Variants in MRPL44 observed in about 807,000 individuals in gnomAD.
MRPL44 encodes large ribosomal subunit protein mL44.
MRPL44 carries 21 observed loss-of-function variants against 25.9 expected under a neutral mutation model. The observed-to-expected ratio is 0.81, with a 90% confidence interval of 0.58 to 1.17. MRPL44 has a LOEUF of 1.17. Ranked by LOEUF, MRPL44 falls within the 50% of genes most tolerant of loss-of-function variation. The pLI, the probability that MRPL44 is intolerant of heterozygous loss-of-function variation, is 0.00. For synonymous variants in MRPL44, 169 were observed against 151.0 expected (o/e 1.12, Z -0.87); for missense variants, 410 against 398.9 (o/e 1.03, Z -0.24).
At chr2:223,952,892 T>C (rs917314998), upstream of MRPL44, among the ~76,000 whole-genome samples, 1 of 152,230 alleles carries the variant, frequency 6.6e-6, no homozygotes, top group Non-Finnish European at 1.5e-5. Flanking sequence ...GGGGGCTGCC[T>C]GATTCATCAT....
chr2:223,958,136 GAC>G (rs1204232812), intron 1 of MRPL44, among the ~76,000 whole-genome samples: 1 of 152,192 alleles, frequency 6.6e-6, no homozygotes, highest in Non-Finnish European at 1.5e-5. Context: ...GGCAGAGAGA[GAC>G]ACAGGTTTTT....
Position 223,967,119 on chromosome 2 carries a change from G to A in MRPL44, c.*85G>A. 3 of 1,277,974 alleles carry A rather than the reference G, an allele frequency of 2.3e-6. No homozygotes were observed. Among genetic ancestry groups the A allele is most frequent in the Non-Finnish European group, 3.2e-6 (3 of 936,842 alleles). The allele number at this position is 1,277,974 out of a possible 1,614,324, so 79.2% of individuals were successfully genotyped here. On this transcript the variant is annotated 3_prime_UTR_variant, in exon 4 of 4. Coordinates refer to ENST00000258383, the MANE Select transcript of MRPL44 (RefSeq NM_022915.5). Reference sequence around the variant, plus strand: ...TTTCAAGCCAGACATTTTCACAATTGTGAAGAAATAGATGTTTTGTTTCTG... The same window carrying A: ...TTTCAAGCCAGACATTTTCACAATTATGAAGAAATAGATGTTTTGTTTCTG...
At chr2:223,952,531 C>A (rs539754777), upstream of MRPL44, among the ~76,000 whole-genome samples, 1 of 152,244 alleles carries the variant, frequency 6.6e-6, no homozygotes, top group South Asian at 2.1e-4. Context: ...CTTGGTAAGA[C>A]CCTGACTGAT....
At chr2:223,955,671 G>C (rs1233499857), upstream of MRPL44, among the ~76,000 whole-genome samples, 1 of 152,034 alleles carries the variant, frequency 6.6e-6, no homozygotes, top group Non-Finnish European at 1.5e-5. Flanking sequence ...CCTTCCACCT[G>C]ACCTTAACCC....
chr2:223,962,118 G>A (rs1028382723), intron 2 of MRPL44, among the ~76,000 whole-genome samples: 23 of 151,962 alleles, frequency 1.5e-4, no homozygotes, highest in Non-Finnish European at 2.6e-4. Flanking sequence ...CTGCAGCCTC[G>A]ACTTCCTGTG....
Position 223,966,871 on chromosome 2 carries a change from A to C in MRPL44, c.836A>C (p.Lys279Thr). The part of the protein sequence containing the change: ...LYFVGLYCDK[K>T]LIAEGPGETV... ...GTTTGTTCTCTTTCTAGTGATAAAA[A>C]GTTGATTGCAGAAGGACCTGGGGAA... The change falls in exon 4 of 4, where the codon AAG (lysine) becomes ACG (threonine). Residue 279 changes from lysine (K) to threonine (T), a missense_variant. By Grantham distance (78) the Lys-to-Thr change is moderately conservative. Coordinates refer to ENST00000258383, the MANE Select transcript of MRPL44 (RefSeq NM_022915.5). 1 of 1,611,744 alleles carries C rather than the reference A, an allele frequency of 6.2e-7. No homozygotes were observed. Among genetic ancestry groups the C allele is most frequent in the African/African-American group, 1.3e-5 (1 of 74,756 alleles).
chr2:223,957,678 CAG>C, intron 1 of MRPL44, 27 bp downstream of exon 1: 2 of 1,589,396 alleles, frequency 1.3e-6, no homozygotes, highest in Non-Finnish European at 1.7e-6. Flanking sequence ...GAAGAGGTCT[CAG>C]GGTGGCGGTC....
chr2:223,956,033 C>T (rs538557892), upstream of MRPL44, among the ~76,000 whole-genome samples: 5 of 152,276 alleles, frequency 3.3e-5, no homozygotes, highest in Admixed American at 2.6e-4. Flanking sequence ...TTTAACTTAA[C>T]ATGATTGTGC....
chr2:223,959,271 T>A (rs1002311968), intron 1 of MRPL44, among the ~76,000 whole-genome samples: 1 of 152,202 alleles, frequency 6.6e-6, no homozygotes, highest in African/African-American at 2.4e-5. Context: ...GGCTTGGTCT[T>A]TTATATTGAA....
intron 1 of MRPL44, among the ~76,000 whole-genome samples, chr2:223,958,594 T>A (rs563531932): frequency 1.4e-4 from 22 of 152,378 alleles, no homozygotes; most frequent in African/African-American, 4.8e-4. Context: ...ATGTATATCT[T>A]ACGACTTTCA....
At chr2:223,960,489 T>C (rs535636885) in intron 2 of MRPL44, among the ~76,000 whole-genome samples, 1 of 152,332 alleles carries the variant, frequency 6.6e-6, no homozygotes, top group East Asian at 1.9e-4. Flanking sequence ...CACTGTCCTT[T>C]TATAATTTAT....
Position 223,967,240 on chromosome 2 carries a change from T to G in MRPL44, c.*206T>G, listed in dbSNP as rs756737769. 8.4e-5 allele frequency: 46 copies of G among 546,342 alleles called. No individual in the cohort carries two copies. The highest frequency in any genetic ancestry group is 1.2e-4 in the Non-Finnish European group (40 of 324,230). The allele number at this position is 546,342 out of a possible 1,614,324, so 33.8% of individuals were successfully genotyped here. The stretch of plus-strand genomic sequence containing the variant: ...AATCTTGGTTTGATCAAATCTTTTT[T>G]TTTTTCTCTTGAGATGGAGTCTTAC... On this transcript the variant is annotated 3_prime_UTR_variant, in exon 4 of 4. Coordinates refer to ENST00000258383, the MANE Select transcript of MRPL44 (RefSeq NM_022915.5).
rs1296738315 is a variant in MRPL44, at chr2:223,966,880, C to A, written c.845C>A (p.Ala282Glu). ...CTTTCTAGTGATAAAAAGTTGATTG[C>A]AGAAGGACCTGGGGAAACAGTATTG... ...VGLYCDKKLIAEGPGETVLVA... is the reference protein window; with the variant it reads ...VGLYCDKKLIEEGPGETVLVA... The change falls in exon 4 of 4, where the codon GCA becomes GAA. Residue 282 changes from alanine to glutamate, a missense_variant. Physicochemically the swap from Ala to Glu is moderately radical, Grantham distance 107. Transcript: ENST00000258383. 10 of 1,611,692 alleles carry A rather than the reference C, an allele frequency of 6.2e-6. No homozygotes were observed. Among genetic ancestry groups the A allele is most frequent in the Admixed American group, 1.7e-5 (1 of 59,370 alleles).
At chr2:223,965,074 A>G (rs778590675) in intron 3 of MRPL44, among the ~76,000 whole-genome samples, 1 of 152,042 alleles carries the variant, frequency 6.6e-6, no homozygotes, top group Non-Finnish European at 1.5e-5. Flanking sequence ...GTAATTTGCC[A>G]TATCACTACA....
Position 223,967,079 on chromosome 2 carries a change from T to C in MRPL44, c.*45T>C, listed in dbSNP as rs548023128. 2.0e-6 allele frequency: 3 copies of C among 1,534,026 alleles called. No individual in the cohort carries two copies. Among genetic ancestry groups the C allele is most frequent in the East Asian group, 2.3e-5 (1 of 43,686 alleles). ...CTGAAACTTGAGAGCGAAAGTGAGA[T>C]AAATGTCAAAGGTGTTTCAAGCCAG... On this transcript the variant is annotated 3_prime_UTR_variant, in exon 4 of 4. Transcript: ENST00000258383.
intron 2 of MRPL44, among the ~76,000 whole-genome samples, 158 bp downstream of exon 2, chr2:223,960,160 A>G (rs1463611396): frequency 1.3e-5 from 2 of 152,172 alleles, no homozygotes; most frequent in East Asian, 3.8e-4. Context: ...TAATTATTCC[A>G]GTTGTCTCTT....
rs773048833 is a variant in MRPL44, at chr2:223,959,677, T to G, written c.323T>G (p.Leu108Arg). Residue 108 changes from leucine (L) to arginine (R), a missense_variant, in exon 2 of 4, where the codon CTT becomes CGT. Physicochemically the swap from Leu to Arg is moderately radical, Grantham distance 102. Coordinates refer to ENST00000258383, the MANE Select transcript of MRPL44 (RefSeq NM_022915.5). ...IKSEEAKRQQ[L>R]GIEKEAVLLN... ...AGTGAGGAGGCCAAACGCCAACAAC[T>G]TGGGATAGAGAAAGAAGCTGTTCTT... is the stretch of plus-strand genomic sequence containing the variant. 3.2e-5 allele frequency: 51 copies of G among 1,614,100 alleles called. No homozygotes were observed. The highest frequency in any genetic ancestry group is 4.3e-5 in the Non-Finnish European group (51 of 1,180,042).
At chr2:223,961,996 C>T (rs920396156) in intron 2 of MRPL44, among the ~76,000 whole-genome samples, 1 of 152,118 alleles carries the variant, frequency 6.6e-6, no homozygotes, top group South Asian at 2.1e-4. Context: ...GCATATCTAC[C>T]TCTGTACATT....
upstream of MRPL44, chr2:223,957,318 C>T (rs1436869907): frequency 3.4e-6 from 3 of 894,980 alleles, no homozygotes; most frequent in African/African-American, 3.3e-5. Context: ...CCGGGGCTGT[C>T]TCCGCCCCTG....
Sources: allele counts gnomAD v4.1 joint callset (sites outside exome capture counted in the v4.1 genomes callset), GRCh38; gene constraint gnomAD v4.1.1; transcripts MANE v1.5; gene names NCBI Gene and HGNC (gene_info 2026-07-23, HGNC 2026-07-21).